Variants in MEGF10 observed in about 807,000 individuals in gnomAD.
MEGF10 encodes the protein multiple epidermal growth factor-like domains protein 10.
Under a neutral mutation model 147.5 loss-of-function variants are expected in MEGF10, and 86 were observed. The observed-to-expected ratio is 0.58, with a 90% CI of 0.49 to 0.70. The LOEUF (loss-of-function observed/expected upper bound fraction) is 0.70, where lower values mean the gene tolerates loss of function less well. Among genes scored for constraint, MEGF10 ranks in the 30% least tolerant of loss-of-function variants. The pLI is 0.00. For synonymous variants in MEGF10, 478 were observed against 525.5 expected (o/e 0.91, Z 1.24); for missense variants, 1,329 against 1,487.3 (o/e 0.89, Z 1.75).
intron 4 of MEGF10, among the ~76,000 whole-genome samples, chr5:127,366,345 G>A (rs1762651693): frequency 6.6e-6 from 1 of 152,140 alleles, no homozygotes; most frequent in Non-Finnish European, 1.5e-5. Flanking sequence ...TGGTGGAAAA[G>A]GGCATGCAGC....
intron 1 of MEGF10, among the ~76,000 whole-genome samples, chr5:127,320,878 G>C (rs1180457574): frequency 6.6e-6 from 1 of 152,206 alleles, no homozygotes; most frequent in Non-Finnish European, 1.5e-5. Flanking sequence ...TGGGAAGAAT[G>C]GCAGCTGAGT....
At chr5:127,368,062 G>T (rs1025578995) in intron 4 of MEGF10, among the ~76,000 whole-genome samples, 3 of 152,150 alleles carry the variant, frequency 2.0e-5, no homozygotes, top group Non-Finnish European at 4.4e-5. Context: ...CCAGTACCTT[G>T]TGCTTACAAA....
At chr5:127,240,118 G>C in the MEGF10 span, among the ~76,000 whole-genome samples, 4 of 152,064 alleles carry the variant, frequency 2.6e-5, no homozygotes, top group East Asian at 7.7e-4. Flanking sequence ...GGCAGTTTTA[G>C]GTCTCTTATT....
At chr5:127,229,637 C>G in the MEGF10 span, 1 of 152,622 alleles carries the variant, frequency 6.6e-6, no homozygotes, top group African/African-American at 2.4e-5. Context: ...GCGCGAGCGA[C>G]CAGGAAGCAG....
intron 4 of MEGF10, among the ~76,000 whole-genome samples, chr5:127,351,772 G>A (rs1762098436): frequency 6.6e-6 from 1 of 152,188 alleles, no homozygotes; most frequent in Non-Finnish European, 1.5e-5. Context: ...TGAGCCCAAA[G>A]GCAAGGTGGA....
intron 4 of MEGF10, among the ~76,000 whole-genome samples, chr5:127,348,098 A>G (rs1033052524): frequency 3.3e-5 from 5 of 152,100 alleles, no homozygotes; most frequent in African/African-American, 1.2e-4. Flanking sequence ...GTAAATATTA[A>G]GCCATAAGAT....
chr5:127,275,999 C>T, the MEGF10 span, among the ~76,000 whole-genome samples: 19 of 152,270 alleles, frequency 1.2e-4, no homozygotes, highest in Middle Eastern at 3.4e-3. Flanking sequence ...TCAGCCAGCC[C>T]AAAGGGTAGT....
chr5:127,352,276 GTAT>G (rs1276897177), intron 4 of MEGF10, among the ~76,000 whole-genome samples: 1 of 152,048 alleles, frequency 6.6e-6, no homozygotes, highest in Non-Finnish European at 1.5e-5. Context: ...GCTGACCTAG[GTAT>G]TATTATTGCT....
chr5:127,309,179 G>A (rs1051142454), intron 1 of MEGF10, among the ~76,000 whole-genome samples: 4 of 152,228 alleles, frequency 2.6e-5, no homozygotes, highest in African/African-American at 9.6e-5. Context: ...TCATGCAGAT[G>A]AGTAGTGAAA....
intron 5 of MEGF10, among the ~76,000 whole-genome samples, chr5:127,378,316 T>C (rs568726984): frequency 6.6e-6 from 1 of 152,310 alleles, no homozygotes; most frequent in African/African-American, 2.4e-5. Flanking sequence ...GACAAGTAAA[T>C]GCTACTTATG....
At chr5:127,272,380 A>G in the MEGF10 span, among the ~76,000 whole-genome samples, 1 of 151,830 alleles carries the variant, frequency 6.6e-6, no homozygotes, top group Non-Finnish European at 1.5e-5. Context: ...AGCTTTGTTC[A>G]TTTTGCTTGC....
At chr5:127,247,434 GA>G in the MEGF10 span, among the ~76,000 whole-genome samples, 2 of 104,810 alleles carry the variant, frequency 1.9e-5, no homozygotes, top group Admixed American at 9.9e-5. Context: ...AGAAGAAGAA[GA>G]AGAAGAAGAA....
chr5:127,370,512 G>C (rs1242317664), intron 5 of MEGF10, among the ~76,000 whole-genome samples: 8 of 152,120 alleles, frequency 5.3e-5, no homozygotes, highest in Admixed American at 5.2e-4. Context: ...GATAACTTTA[G>C]GGAGACTTAT....
chr5:127,398,621 G>A (rs1764013191), intron 6 of MEGF10, 55 bp from the exon 7 acceptor site: 4 of 1,608,276 alleles, frequency 2.5e-6, no homozygotes, highest in South Asian at 1.1e-5. Flanking sequence ...CAGTGAACCC[G>A]AGGGTCATGT....
At chr5:127,233,231 C>T in the MEGF10 span, among the ~76,000 whole-genome samples, 2 of 152,156 alleles carry the variant, frequency 1.3e-5, no homozygotes, top group East Asian at 1.9e-4. Flanking sequence ...AGTTAGGCTC[C>T]GCAGAATCCT....
the MEGF10 span, among the ~76,000 whole-genome samples, chr5:127,230,379 C>T: frequency 1.3e-5 from 2 of 151,980 alleles, no homozygotes; most frequent in Admixed American, 6.6e-5. Context: ...TTGAAGCTAA[C>T]TGCATGGCGC....
chr5:127,367,570 A>T (rs1042527536), intron 4 of MEGF10, among the ~76,000 whole-genome samples: 1 of 152,200 alleles, frequency 6.6e-6, no homozygotes, highest in African/African-American at 2.4e-5. Context: ...CTGAAATTCA[A>T]GAATATGGAG....
chr5:127,254,248 G>C, the MEGF10 span, among the ~76,000 whole-genome samples: 1 of 151,760 alleles, frequency 6.6e-6, no homozygotes, highest in African/African-American at 2.4e-5. Context: ...ACCAGTCTCC[G>C]TCCCCCAACT....
intron 16 of MEGF10, among the ~76,000 whole-genome samples, chr5:127,436,873 A>G (rs1409365661): frequency 1.3e-5 from 2 of 152,200 alleles, no homozygotes; most frequent in African/African-American, 4.8e-5. Context: ...CTGTCTAAAG[A>G]GAGCAAAGTC....
Sources: gnomAD v4.1 joint callset for allele counts (sites outside exome capture counted in the v4.1 genomes callset) on GRCh38, gnomAD v4.1.1 for gene constraint, MANE v1.5 for transcripts, NCBI Gene and HGNC (gene_info 2026-07-23, HGNC 2026-07-21) for gene names.